The following KDM2B variants were observed in gnomAD, a reference collection of about 807,000 sequenced individuals.
The protein encoded by KDM2B is lysine-specific demethylase 2B.
Under a neutral mutation model 150.0 loss-of-function variants are expected in KDM2B, and 26 were observed. That is an observed-to-expected ratio of 0.17 (90% CI 0.13 to 0.24). The LOEUF (loss-of-function observed/expected upper bound fraction) is 0.24, where lower values mean the gene tolerates loss of function less well. Ranked by LOEUF, KDM2B falls within the 10% of genes least tolerant of loss-of-function variation. The probability of loss-of-function intolerance (pLI) is 1.00; values close to 1 mark genes in which losing one functional copy is unlikely to be tolerated. For missense variants in KDM2B, 1,265 were observed against 1,816.9 expected, an observed-to-expected ratio of 0.70 and a Z score of 5.52; for synonymous variants, 734 against 729.5, an observed-to-expected ratio of 1.01 and a Z score of -0.10.
At chr12:121,565,041 T>G (rs535347132) in intron 4 of KDM2B, among the ~76,000 whole-genome samples, 2 of 151,994 alleles carry the variant, frequency 1.3e-5, no homozygotes, top group Non-Finnish European at 2.9e-5. Context: ...TCATGTTGCC[T>G]AGGCTGGTCT....
rs887482712 is a variant in KDM2B, at chr12:121,544,361, T to C, written c.683+4516A>G. On this transcript the variant is annotated intron_variant, in intron 6 of 22. Transcript: ENST00000377071. ...CATGGTGGCTCACACCTGTAATCCC[T>C]GCACTTTGGGAAGCCAAGGCAGGTG... Among the ~76,000 whole-genome samples the C allele has an allele frequency of 2.0e-5, 3 of 151,958 alleles. No individual in the cohort carries two copies. In the East Asian group the frequency reaches 5.8e-4, roughly 30 times the overall value.
chr12:121,457,808 T>G lies in KDM2B; in HGVS notation c.1735-4464A>C, dbSNP rs371214488. ...TTGGTATTCCTACACCTCTTCTCCA[T>G]CAGCAACTCAAGAGCATTGTCCTTT... On this transcript the variant is annotated intron_variant, in intron 12 of 22. Transcript: ENST00000377071. Among the ~76,000 whole-genome samples the G allele has an allele frequency of 4.6e-5, 7 of 151,690 alleles. No homozygotes were observed. In the South Asian group the frequency reaches 8.4e-4, roughly 18 times the overall value.
the KDM2B span, chr12:121,423,415 G>A: frequency 7.4e-6 from 12 of 1,611,184 alleles, no homozygotes; most frequent in South Asian, 1.1e-4. This position sits in a 1 kb window ranked among gnomAD's most constrained non-coding sequence, Gnocchi z 4.3. Context: ...GCAGGATGAG[G>A]AAGACGACAG....
chr12:121,433,078 T>G (rs190311461), intron 22 of KDM2B: 1 of 451,834 alleles, frequency 2.2e-6, no homozygotes, highest in East Asian at 7.0e-5. Context: ...CTGGCTCCTT[T>G]TCTGAGTTGT....
intron 12 of KDM2B, among the ~76,000 whole-genome samples, chr12:121,455,274 G>A (rs1408873159): frequency 6.6e-6 from 1 of 152,188 alleles, no homozygotes; most frequent in Admixed American, 6.5e-5. Context: ...TTCCCCAGCT[G>A]CTCAGGACCC....
At chr12:121,570,168 G>GC (rs1266669971) in intron 4 of KDM2B, among the ~76,000 whole-genome samples, 4 of 152,038 alleles carry the variant, frequency 2.6e-5, no homozygotes, top group African/African-American at 9.7e-5. Context: ...TCCTGCCTCA[G>GC]CCCCCCAAGT....
At chr12:121,503,398 C>T (rs1429699022) in intron 11 of KDM2B, among the ~76,000 whole-genome samples, 1 of 152,128 alleles carries the variant, frequency 6.6e-6, no homozygotes, top group African/African-American at 2.4e-5. Context: ...TCAGTAAATC[C>T]TCCTGCATCA....
chr12:121,489,506 C>G (rs1455955886), intron 12 of KDM2B, among the ~76,000 whole-genome samples: 1 of 152,152 alleles, frequency 6.6e-6, no homozygotes, highest in Non-Finnish European at 1.5e-5. Flanking sequence ...GTGATGCAAT[C>G]TCAGCTCACT....
At chr12:121,464,762 T>A (rs1443826982) in intron 12 of KDM2B, among the ~76,000 whole-genome samples, 1 of 152,186 alleles carries the variant, frequency 6.6e-6, no homozygotes, top group African/African-American at 2.4e-5. Context: ...ATCTTCTCCT[T>A]TGGTGCCAAA....
intron 8 of KDM2B, among the ~76,000 whole-genome samples, chr12:121,523,761 C>T (rs1886892221): frequency 6.6e-6 from 1 of 152,244 alleles, no homozygotes. Flanking sequence ...GGTACAGGCA[C>T]GAGGGCTTTG....
intron 6 of KDM2B, 32 bp from the exon 7 acceptor site, chr12:121,534,622 A>G: frequency 6.6e-7 from 1 of 1,520,934 alleles, no homozygotes; most frequent in Non-Finnish European, 9.1e-7. Context: ...ACAGAACACA[A>G]GTCAAGATCT....
intron 9 of KDM2B, among the ~76,000 whole-genome samples, chr12:121,515,872 G>C (rs567250619): frequency 6.6e-6 from 1 of 152,126 alleles, no homozygotes; most frequent in Admixed American, 6.5e-5. Context: ...GGGGATGCAC[G>C]GAGTGGGGAC....
intron 8 of KDM2B, among the ~76,000 whole-genome samples, chr12:121,530,227 C>CA (rs71453566): frequency 0.1 from 6,853 of 65,508 alleles, 319 homozygotes; most frequent in African/African-American, 0.17. Context: ...GACTCCCTCT[C>CA]AAAAAAAAAA....
intron 22 of KDM2B, among the ~76,000 whole-genome samples, chr12:121,434,684 G>A (rs12581843): frequency 0.31 from 47,519 of 152,006 alleles, 8,912 homozygotes; most frequent in East Asian, 0.43. Context: ...CCGGCCGTGC[G>A]TGATGGCTCA....
intron 4 of KDM2B, chr12:121,574,250 C>T (rs955666408): frequency 3.3e-6 from 1 of 303,442 alleles, no homozygotes. Context: ...CGGCAACCCA[C>T]AAACAAATGC....
In KDM2B at chr12:121,513,848, T is replaced by C. The variant is rs1885801818; in HGVS notation, c.1048-446A>G. On this transcript the variant is annotated intron_variant, in intron 9 of 22. Coordinates refer to ENST00000377071, the MANE Select transcript of KDM2B (RefSeq NM_032590.5). The surrounding 1 kb of genome is among the most constrained non-coding windows in gnomAD (Gnocchi z 5.0). Reference sequence around the variant, plus strand: ...CTCCCTCCTGCTTGAAAACCAGAAATCAACTTCCAAGCCTTATCTATTTGC... The same window carrying C: ...CTCCCTCCTGCTTGAAAACCAGAAACCAACTTCCAAGCCTTATCTATTTGC... 6.6e-6 allele frequency among the ~76,000 whole-genome samples: 1 copy of C among 152,046 alleles called. No homozygotes were observed. The highest frequency in any genetic ancestry group is 1.5e-5 in the Non-Finnish European group (1 of 67,996).
intron 4 of KDM2B, among the ~76,000 whole-genome samples, chr12:121,559,828 G>A (rs781914675): frequency 2.4e-4 from 36 of 151,694 alleles, no homozygotes; most frequent in African/African-American, 5.3e-4. Flanking sequence ...GCTTAAACCC[G>A]GGAGGCAGAG....
chr12:121,446,321 C>G (rs570532320), intron 13 of KDM2B, among the ~76,000 whole-genome samples: 108 of 152,302 alleles, frequency 7.1e-4, no homozygotes, highest in African/African-American at 2.6e-3. Flanking sequence ...TGGCGTGAAC[C>G]CGGAAGACAG....
Position 121,539,670 on chromosome 12 carries a change from T to C in KDM2B, c.684-5080A>G, listed in dbSNP as rs79730224. ...CACTTGGTTTGGCCAGCAGTTTTTT[T>C]TTTTAACTTTTAAAGGAATTTCTGA... On this transcript the variant is annotated intron_variant, in intron 6 of 22. Transcript: ENST00000377071. 3.0e-3 allele frequency among the ~76,000 whole-genome samples: 450 copies of C among 152,180 alleles called. 5 individuals carry two copies. The highest frequency in any genetic ancestry group is 0.01 in the African/African-American group (432 of 41,500).
Sources: gnomAD v4.1 joint callset for allele counts (sites outside exome capture counted in the v4.1 genomes callset) on GRCh38, gnomAD v4.1.1 for gene constraint, Gnocchi (gnomAD v3.1) non-coding constraint, MANE v1.5 for transcripts, NCBI Gene and HGNC (gene_info 2026-07-23, HGNC 2026-07-21) for gene names.